NPNT: variants seen among roughly 807,000 people sequenced by gnomAD.
NPNT encodes preosteoblast EGF-like repeat protein with MAM domain.
Under a neutral mutation model 68.6 loss-of-function variants are expected in NPNT, and 45 were observed. The observed-to-expected ratio is 0.66, with a 90% CI of 0.52 to 0.84. NPNT has a LOEUF of 0.84. NPNT is among the 40% of genes least tolerant of loss of function. NPNT has a pLI of 0.00. For synonymous variants in NPNT, 233 were observed against 253.3 expected, an observed-to-expected ratio of 0.92 and a Z score of 0.76; for missense variants, 672 against 714.8, an observed-to-expected ratio of 0.94 and a Z score of 0.68.
intron 3 of NPNT, among the ~76,000 whole-genome samples, chr4:105,934,566 G>A (rs7669108): frequency 2.6e-5 from 4 of 152,266 alleles, no homozygotes; most frequent in African/African-American, 7.2e-5. Context: ...CAGTCACTAG[G>A]GATATTAACA....
At chr4:105,906,773 A>C (rs28436135) in intron 2 of NPNT, among the ~76,000 whole-genome samples, 1 of 152,220 alleles carries the variant, frequency 6.6e-6, no homozygotes, top group Admixed American at 6.5e-5. Flanking sequence ...GGCTCCAGTA[A>C]AAGGAGGATC....
chr4:105,942,039 T>G (rs13120676), intron 7 of NPNT, among the ~76,000 whole-genome samples: 131,532 of 151,398 alleles, frequency 0.87, 57,725 homozygotes, highest in East Asian at 1. Context: ...TATAAATTAT[T>G]TAAACACACC....
chr4:105,915,662 A>G (rs1290398796), intron 2 of NPNT, among the ~76,000 whole-genome samples: 1 of 152,226 alleles, frequency 6.6e-6, no homozygotes, highest in African/African-American at 2.4e-5. Context: ...TCTCTAGGAC[A>G]TCATTTGGTG....
chr4:105,967,086 CAAAGA>C (rs1675975805), intron 10 of NPNT, 97 bp from the exon 11 acceptor site: 3 of 1,163,968 alleles, frequency 2.6e-6, no homozygotes, highest in African/African-American at 1.6e-5. Flanking sequence ...GAATTCTTTA[CAAAGA>C]AAAGAAAAAA....
At chr4:105,907,917 A>G (rs1022912729) in intron 2 of NPNT, among the ~76,000 whole-genome samples, 2 of 152,170 alleles carry the variant, frequency 1.3e-5, no homozygotes, top group African/African-American at 4.8e-5. Flanking sequence ...GAAGGAGTAT[A>G]TTACAGGCCA....
At chr4:105,903,778 T>TA (rs1173528605) in intron 2 of NPNT, among the ~76,000 whole-genome samples, 3 of 149,678 alleles carry the variant, frequency 2.0e-5, no homozygotes, top group African/African-American at 7.5e-5. Flanking sequence ...TTATAGACCT[T>TA]CTTACTTTTT....
chr4:105,946,861 C>G (rs1730429111), intron 8 of NPNT, among the ~76,000 whole-genome samples: 1 of 152,134 alleles, frequency 6.6e-6, no homozygotes. Flanking sequence ...ACATCTTAAA[C>G]AACAGAAAAC....
At chr4:105,948,614 C>CT (rs1212485724) in intron 8 of NPNT, among the ~76,000 whole-genome samples, 1 of 151,980 alleles carries the variant, frequency 6.6e-6, no homozygotes, top group Non-Finnish European at 1.5e-5. Flanking sequence ...AAGGTTGCAA[C>CT]TTTTTATGTG....
chr4:105,971,149 A>T lies in NPNT; in HGVS notation c.*2159A>T. ...AGGAACACAGTTCAGAGAGATTTTCATCGGGTGCATTCTCTCTGCTTCGTG... is the reference window on the plus strand; with the variant it reads ...AGGAACACAGTTCAGAGAGATTTTCTTCGGGTGCATTCTCTCTGCTTCGTG... On this transcript the variant is annotated 3_prime_UTR_variant, in exon 12 of 12. Coordinates refer to ENST00000379987, the MANE Select transcript of NPNT (RefSeq NM_001033047.3). The T allele has an allele frequency of 2.2e-6, 1 of 455,496 alleles. No individual in the cohort carries two copies. The highest frequency in any genetic ancestry group is 2.0e-5 in the African/African-American group (1 of 49,986). 28.2% of individuals were successfully genotyped at this position (455,496 alleles called of 1,614,324 possible).
Position 105,957,254 on chromosome 4 carries a change from G to A in NPNT, c.1160-1217G>A, listed in dbSNP as rs186875129. ...ACCAAAATCTCAAATTACAGCACTC[G>A]TTTATCTCCATATTTAAAGTCTGCT... On this transcript the variant is annotated intron_variant, in intron 8 of 11. Coordinates refer to ENST00000379987, the MANE Select transcript of NPNT (RefSeq NM_001033047.3). Among the ~76,000 whole-genome samples the A allele has an allele frequency of 2.1e-3, 325 of 152,006 alleles. 1 individual carries two copies. The highest frequency in any genetic ancestry group is 6.9e-3 in the African/African-American group (288 of 41,446).
In NPNT at chr4:105,895,695, C is replaced by T; in HGVS notation, c.43C>T (p.Leu15=). The T allele has an allele frequency of 6.4e-7, 1 of 1,553,992 alleles. No individual in the cohort carries two copies. The highest frequency in any genetic ancestry group is 2.4e-5 in the East Asian group (1 of 41,252). The change falls in exon 1 of 12, where the codon CTG becomes TTG. Residue 15 remains leucine, a synonymous_variant. Coordinates refer to ENST00000379987, the MANE Select transcript of NPNT (RefSeq NM_001033047.3). ...GCTGGTGCTGGTATCCTCGCTCTAC[C>T]TGCAGGCGGCCGCCGAGTTCGACGG... The part of the protein sequence containing the change: ...LALVLVSSLY[L]QAAAEFDGRW...
intron 8 of NPNT, among the ~76,000 whole-genome samples, chr4:105,943,516 C>T (rs1218719620): frequency 1.3e-5 from 2 of 152,146 alleles, no homozygotes; most frequent in African/African-American, 4.8e-5. Flanking sequence ...AGATTCTTAG[C>T]AGGTGACTAG....
chr4:105,937,828 G>T (rs1458353723), intron 4 of NPNT, among the ~76,000 whole-genome samples: 7 of 152,026 alleles, frequency 4.6e-5, no homozygotes. Context: ...TATTTTTACT[G>T]AATTATCATT....
At position 105,969,528 on chromosome 4, in the gene NPNT, A is replaced by T. The variant is rs1258587028; in HGVS notation, c.*538A>T. ...TTTACTGCCATTCACTTTATAAAAT[A>T]AGGGTGTGTAACATATCAAGATACA... On this transcript the variant is annotated 3_prime_UTR_variant, in exon 12 of 12. Coordinates refer to ENST00000379987, the MANE Select transcript of NPNT (RefSeq NM_001033047.3). 1 of 152,446 alleles carries T rather than the reference A, an allele frequency of 6.6e-6. No individual in the cohort carries two copies. Among genetic ancestry groups the T allele is most frequent in the Admixed American group, 6.5e-5 (1 of 15,310 alleles). 9.4% of individuals were successfully genotyped at this position (152,446 alleles called of 1,614,324 possible).
intron 10 of NPNT, among the ~76,000 whole-genome samples, chr4:105,965,008 A>G (rs1383606368): frequency 6.6e-6 from 1 of 152,222 alleles, no homozygotes; most frequent in African/African-American, 2.4e-5. Context: ...TACATAAGAA[A>G]AGTTCAGAAG....
chr4:105,953,974 A>G (rs1221953850), intron 8 of NPNT, among the ~76,000 whole-genome samples: 1 of 152,204 alleles, frequency 6.6e-6, no homozygotes, highest in East Asian at 1.9e-4. Flanking sequence ...GGTGTATATG[A>G]TAATATTTAC....
chr4:105,906,412 A>G (rs914386748), intron 2 of NPNT, among the ~76,000 whole-genome samples: 1 of 152,206 alleles, frequency 6.6e-6, no homozygotes, highest in African/African-American at 2.4e-5. Context: ...ATCCGTCAAC[A>G]TAAGATGAGG....
In NPNT at chr4:105,970,373, T is replaced by G; in HGVS notation, c.*1383T>G. On this transcript the variant is annotated 3_prime_UTR_variant, in exon 12 of 12. Coordinates refer to ENST00000379987, the MANE Select transcript of NPNT (RefSeq NM_001033047.3). Reference sequence around the variant, plus strand: ...ATTAAGTAATCAGAATATTTTCTGCTATTTTTGCCAGGAATCACAAAGATG... The same window carrying G: ...ATTAAGTAATCAGAATATTTTCTGCGATTTTTGCCAGGAATCACAAAGATG... 1.4e-6 allele frequency: 1 copy of G among 697,506 alleles called. No individual in the cohort carries two copies. 43.2% of individuals were successfully genotyped at this position (697,506 alleles called of 1,614,324 possible). A position where few individuals can be genotyped will look rare whatever the true frequency, so the allele number is the denominator to read the frequency against.
chr4:105,944,943 A>G (rs1730260386), intron 8 of NPNT, among the ~76,000 whole-genome samples: 1 of 152,244 alleles, frequency 6.6e-6, no homozygotes, highest in Admixed American at 6.5e-5. Context: ...GCACTATTTC[A>G]GTTCAACACC....
Sources: allele counts gnomAD v4.1 joint callset (sites outside exome capture counted in the v4.1 genomes callset), GRCh38; gene constraint gnomAD v4.1.1; transcripts MANE v1.5; gene names NCBI Gene and HGNC (gene_info 2026-07-23, HGNC 2026-07-21).